GBP3: variants seen among roughly 807,000 people sequenced by gnomAD.
The protein encoded by GBP3 is guanylate-binding protein 3.
GBP3 carries 55 observed loss-of-function variants against 62.4 expected under a neutral mutation model. The observed-to-expected ratio is 0.88, with a 90% CI of 0.71 to 1.10. The LOEUF is 1.10. Ranked by LOEUF, GBP3 falls within the 50% of genes least tolerant of loss-of-function variation. GBP3 has a pLI of 0.00. For synonymous variants in GBP3, 208 were observed against 259.2 expected (o/e 0.80, Z 1.90); for missense variants, 605 against 690.6 (o/e 0.88, Z 1.39).
rs1678316559 is a variant in GBP3, at chr1:89,007,846, C to T, written c.1666G>A (p.Ala556Thr). ...KTLTSKLQEQ[A>T]RVLKERCQGE... ...TGGCATCTCTCCTTTAGTACTCGGG[C>T]CTGTTCCTAAAAAGGGACAAATGGA... Residue 556 changes from alanine (A) to threonine (T), a missense_variant, in exon 11 of 11, where the codon GCC becomes ACC. This residue lies in a region of GBP3 where 160 missense variants were observed against 147.8 expected (regional missense o/e 1.08). Coordinates refer to ENST00000370481, the MANE Select transcript of GBP3 (RefSeq NM_018284.3). 6.2e-7 allele frequency: 1 copy of T among 1,611,218 alleles called. No homozygotes were observed. Among genetic ancestry groups the T allele is most frequent in the Non-Finnish European group, 8.5e-7 (1 of 1,179,034 alleles).
intron 2 of GBP3, 72 bp downstream of exon 2, chr1:89,020,460 C>T (rs1679123253): frequency 1.3e-6 from 2 of 1,577,262 alleles, no homozygotes; most frequent in African/African-American, 1.3e-5. Flanking sequence ...TCTCTCCTCA[C>T]ATCCTCATAA....
At chr1:89,013,086 C>T in intron 6 of GBP3, 99 bp downstream of exon 6, 3 of 1,351,648 alleles carry the variant, frequency 2.2e-6, no homozygotes, top group Non-Finnish European at 3.1e-6. Context: ...GATCTGCCCT[C>T]CTCGGCCTCC....
At chr1:89,019,354 T>C (rs1474935285) in intron 2 of GBP3, among the ~76,000 whole-genome samples, 1 of 152,268 alleles carries the variant, frequency 6.6e-6, no homozygotes, top group Non-Finnish European at 1.5e-5. Context: ...AAAGGCACGA[T>C]CTTGGCTCAC....
chr1:89,021,971 G>A (rs985503323), intron 1 of GBP3, among the ~76,000 whole-genome samples: 1 of 151,566 alleles, frequency 6.6e-6, no homozygotes, highest in Admixed American at 6.6e-5. Context: ...CAAAGATACC[G>A]GCTTTAGTAG....
rs1189112745 is a variant in GBP3 at position 89,012,411 on chromosome 1, C to T, written c.869-384G>A. ...TAGCATTTGATCAATACTTATGGAA[C>T]AAATGATACTCTCCTAATCAAAAGG... On this transcript the variant is annotated intron_variant, in intron 6 of 10. Transcript: ENST00000370481. Among the ~76,000 whole-genome samples, 4 of 138,836 alleles carry T rather than the reference C, an allele frequency of 2.9e-5. 1 individual carries two copies. The highest frequency in any genetic ancestry group is 6.6e-5 in the Non-Finnish European group (4 of 60,258). 91.1% of individuals were successfully genotyped at this position (138,836 alleles called of 152,430 possible).
chr1:89,014,526 T>C, intron 4 of GBP3, 21 bp downstream of exon 4: 1 of 1,614,066 alleles, frequency 6.2e-7, no homozygotes, highest in Non-Finnish European at 8.5e-7. Flanking sequence ...CTTGGTGCTG[T>C]TCTGGGTCAC....
rs1249471558 is a variant in GBP3 at position 89,009,326 on chromosome 1, A to C, written c.1465+66T>G. On this transcript the variant is annotated intron_variant, in intron 9 of 10. Transcript: ENST00000370481. ...CCAGTCAAATTATTTAAAATTTTAA[A>C]ATTTGAAAAATTATTTAAAATTTGA... is the stretch of plus-strand genomic sequence containing the variant. 4.9e-5 allele frequency: 76 copies of C among 1,536,732 alleles called. 1 individual carries two copies. The South Asian group carries it at 9.0e-4, about 18-fold the overall frequency.
At position 89,011,864 on chromosome 1, in the gene GBP3, G is replaced by A. The variant is rs142677853; in HGVS notation, c.1032C>T (p.Pro344=). 1.4e-5 allele frequency: 20 copies of A among 1,461,890 alleles called. 4 individuals carry two copies. The highest frequency in any genetic ancestry group is 1.8e-4 in the Middle Eastern group (1 of 5,574). 90.6% of individuals were successfully genotyped at this position (1,461,890 alleles called of 1,614,324 possible). Residue 344 remains proline, a synonymous_variant, in exon 7 of 11, where the codon CCC becomes CCT. Transcript: ENST00000370481. ...DQQMGQKVQL[P]AETLQELLDL... The stretch of plus-strand genomic sequence containing the variant: ...CCAGCAGCTCCTGGAGGGTTTCTGC[G>A]GGCAGCTGCACCTTCTGGCCCATCT...
At chr1:89,017,720 G>A (rs1678961874) in intron 2 of GBP3, among the ~76,000 whole-genome samples, 1 of 152,114 alleles carries the variant, frequency 6.6e-6, no homozygotes, top group South Asian at 2.1e-4. Context: ...TAGTCATTAG[G>A]AAAATGCAAA....
intron 8 of GBP3, among the ~76,000 whole-genome samples, chr1:89,010,190 T>G (rs1157676244): frequency 6.6e-6 from 1 of 151,296 alleles, no homozygotes; most frequent in Admixed American, 6.6e-5. Context: ...GGCGTGATCT[T>G]GGCACACTGC....
At chr1:89,009,206 C>T in intron 9 of GBP3, 66 bp from the exon 10 acceptor site, 1 of 1,514,202 alleles carries the variant, frequency 6.6e-7, no homozygotes, top group Admixed American at 1.8e-5. Context: ...TATACACTTA[C>T]CCTCCATTGT....
rs2077694 is a variant in GBP3, at chr1:89,007,451, C to T, written c.*273G>A. ...CAAGATTTTTACCTAAGACTTTCCTCAGTATCCACTGGTCGTCTGGAAGAA... is the reference window on the plus strand; with the variant it reads ...CAAGATTTTTACCTAAGACTTTCCTTAGTATCCACTGGTCGTCTGGAAGAA... On this transcript the variant is annotated 3_prime_UTR_variant, in exon 11 of 11. Transcript: ENST00000370481. 0.18 allele frequency: 53,850 copies of T among 305,140 alleles called. 6,380 individuals carry two copies. Among genetic ancestry groups the T allele is most frequent in the East Asian group, 0.4 (5,496 of 13,826 alleles). 18.9% of individuals were successfully genotyped at this position (305,140 alleles called of 1,614,324 possible).
At chr1:89,015,209 C>A (rs752437221) in intron 3 of GBP3, 78 bp downstream of exon 3, 8 of 1,405,958 alleles carry the variant, frequency 5.7e-6, no homozygotes, top group African/African-American at 1.5e-5. Context: ...GCAAACTCTT[C>A]TTTAAGAAAA....
At chr1:89,017,421 G>A (rs980657731) in intron 2 of GBP3, among the ~76,000 whole-genome samples, 5 of 151,884 alleles carry the variant, frequency 3.3e-5, no homozygotes, top group African/African-American at 1.2e-4. Context: ...AAACTCATGG[G>A]AGAAAACAAA....
chr1:89,018,814 G>A (rs1209611457), intron 2 of GBP3, among the ~76,000 whole-genome samples: 2 of 152,126 alleles, frequency 1.3e-5, no homozygotes, highest in African/African-American at 4.8e-5. Context: ...TGCATTGGCA[G>A]CACCACGGGA....
At chr1:89,010,197 C>T (rs1325338266) in intron 8 of GBP3, among the ~76,000 whole-genome samples, 1 of 150,828 alleles carries the variant, frequency 6.6e-6, no homozygotes, top group African/African-American at 2.4e-5. Flanking sequence ...TCTTGGCACA[C>T]TGCAACCTCC....
At chr1:89,009,722 A>G (rs1170014062) in intron 8 of GBP3, among the ~76,000 whole-genome samples, 4 of 152,302 alleles carry the variant, frequency 2.6e-5, no homozygotes, top group East Asian at 1.9e-4. Flanking sequence ...CTGGGAAATA[A>G]GATTCCCTGT....
intron 10 of GBP3, 145 bp downstream of exon 10, chr1:89,008,802 T>A: frequency 6.8e-7 from 1 of 1,460,730 alleles, no homozygotes; most frequent in Middle Eastern, 1.8e-4. Context: ...CCATTTCAAG[T>A]CAGACAGACA....
In GBP3 at chr1:89,009,495, C is replaced by T. The variant is rs140187029; in HGVS notation, c.1363-1G>A. 8.1e-6 allele frequency: 13 copies of T among 1,613,974 alleles called. No homozygotes were observed. The highest frequency in any genetic ancestry group is 1.1e-5 in the Non-Finnish European group (13 of 1,179,944). On this transcript the variant is annotated splice_acceptor_variant, in intron 8 of 10. Transcript: ENST00000370481. LOFTEE classifies it high-confidence loss of function. ...AGTATGTCTGCAGAATCTCTTCAGCCTTAGGACCCAGAGAACACAGAGTGA... is the reference window on the plus strand; with the variant it reads ...AGTATGTCTGCAGAATCTCTTCAGCTTTAGGACCCAGAGAACACAGAGTGA...
Sources: allele counts gnomAD v4.1 joint callset (sites outside exome capture counted in the v4.1 genomes callset), GRCh38; gene constraint gnomAD v4.1.1; regional missense constraint gnomAD v4.1.1; transcripts MANE v1.5; gene names NCBI Gene and HGNC (gene_info 2026-07-23, HGNC 2026-07-21).